PALS2: variants seen among roughly 807,000 people sequenced by gnomAD.
The protein encoded by PALS2 is protein associated with LIN7 2, MAGUK p55 family member.
PALS2 carries 27 observed loss-of-function variants against 61.6 expected under a neutral mutation model. That is an observed-to-expected ratio of 0.44 (90% CI 0.32 to 0.60). PALS2 has a LOEUF of 0.60. Among genes scored for constraint, PALS2 ranks in the 20% least tolerant of loss-of-function variants. PALS2 has a pLI of 0.05. For synonymous variants in PALS2, 236 were observed against 218.6 expected (o/e 1.08, Z -0.70); for missense variants, 554 against 639.4 (o/e 0.87, Z 1.44).
At chr7:24,587,633 TC>T (rs369878167) in intron 1 of PALS2, among the ~76,000 whole-genome samples, 2 of 151,810 alleles carry the variant, frequency 1.3e-5, no homozygotes, top group African/African-American at 4.8e-5. Context: ...CTTCTTGGCC[TC>T]CCATAGTGCT....
At chr7:24,658,697 C>T (rs1786552436) in intron 5 of PALS2, among the ~76,000 whole-genome samples, 1 of 151,888 alleles carries the variant, frequency 6.6e-6, no homozygotes, top group Non-Finnish European at 1.5e-5. Context: ...GCTGGGACTA[C>T]AGGCACGTGC....
chr7:24,665,031 A>G (rs1298054737), intron 6 of PALS2, among the ~76,000 whole-genome samples: 2 of 152,192 alleles, frequency 1.3e-5, no homozygotes, highest in African/African-American at 2.4e-5. Context: ...TCCAGCCACT[A>G]TTTTAAAATA....
intron 1 of PALS2, among the ~76,000 whole-genome samples, chr7:24,621,615 TGATTA>T (rs1386048886): frequency 6.6e-6 from 1 of 152,020 alleles, no homozygotes; most frequent in Non-Finnish European, 1.5e-5. Context: ...CGAACAGATC[TGATTA>T]GAAGAAACAA....
At chr7:24,662,822 C>G (rs116782468) in intron 5 of PALS2, among the ~76,000 whole-genome samples, 2 of 138,662 alleles carry the variant, frequency 1.4e-5, no homozygotes, top group Admixed American at 7.1e-5. Flanking sequence ...AGCAATTGGT[C>G]TGAACCTTCC....
chr7:24,664,270 T>G (rs1786901774), intron 6 of PALS2, among the ~76,000 whole-genome samples: 1 of 152,216 alleles, frequency 6.6e-6, no homozygotes, highest in Non-Finnish European at 1.5e-5. Flanking sequence ...GAGATGTGTA[T>G]TATCACTGTA....
At chr7:24,672,387 C>G (rs570904864) in intron 9 of PALS2, among the ~76,000 whole-genome samples, 6 of 151,792 alleles carry the variant, frequency 4.0e-5, no homozygotes, top group Non-Finnish European at 7.4e-5. Context: ...ACCATCCTGC[C>G]TGGCTAATTT....
intron 1 of PALS2, among the ~76,000 whole-genome samples, chr7:24,585,691 A>G (rs979593612): frequency 2.6e-5 from 4 of 151,958 alleles, no homozygotes; most frequent in East Asian, 3.9e-4. Flanking sequence ...TGAAGACTGC[A>G]CATTTATTTA....
At chr7:24,667,526 A>G (rs1562653747) in intron 8 of PALS2, among the ~76,000 whole-genome samples, 1 of 152,060 alleles carries the variant, frequency 6.6e-6, no homozygotes, top group Non-Finnish European at 1.5e-5. Context: ...CATGCTTTCT[A>G]TATATACTGG....
intron 1 of PALS2, among the ~76,000 whole-genome samples, chr7:24,574,501 C>T (rs537576117): frequency 1.1e-3 from 161 of 152,076 alleles, no homozygotes; most frequent in African/African-American, 3.8e-3. Context: ...GTTAAACTTC[C>T]ATCAGTTGGG....
rs151004091 is a variant in PALS2, at chr7:24,573,864, T to G, written c.-3+271T>G. On this transcript the variant is annotated intron_variant, in intron 1 of 11. Transcript: ENST00000222644. The surrounding 1 kb of genome is among the most constrained non-coding windows in gnomAD (Gnocchi z 5.3). ...TCCTGCCTCTCTGGCTGCGGGCGGC[T>G]GGGCGGGCCGGAGCTCGGCAACGTG... is the stretch of plus-strand genomic sequence containing the variant. The G allele has an allele frequency of 6.6e-6, 1 of 150,984 alleles. No individual in the cohort carries two copies. The highest frequency in any genetic ancestry group is 2.4e-5 in the African/African-American group (1 of 41,206). 9.4% of individuals were successfully genotyped at this position (150,984 alleles called of 1,614,324 possible).
intron 1 of PALS2, among the ~76,000 whole-genome samples, chr7:24,585,215 T>C (rs1436876353): frequency 6.6e-6 from 1 of 152,042 alleles, no homozygotes; most frequent in Non-Finnish European, 1.5e-5. Flanking sequence ...CATTGGTAGC[T>C]TGATGGGGAT....
At chr7:24,584,694 T>C (rs896040446) in intron 1 of PALS2, among the ~76,000 whole-genome samples, 79 of 152,216 alleles carry the variant, frequency 5.2e-4, no homozygotes, top group African/African-American at 1.9e-3. Flanking sequence ...ATTTTGTCTT[T>C]TGTTGCCATT....
At chr7:24,637,562 A>G (rs1268358848) in intron 2 of PALS2, among the ~76,000 whole-genome samples, 6 of 152,142 alleles carry the variant, frequency 3.9e-5, no homozygotes, top group Non-Finnish European at 8.8e-5. Flanking sequence ...ACTACTACAT[A>G]CATAGCTCTT....
intron 8 of PALS2, among the ~76,000 whole-genome samples, chr7:24,668,172 A>T (rs1172677224): frequency 2.0e-5 from 3 of 152,018 alleles, no homozygotes; most frequent in Non-Finnish European, 4.4e-5. Flanking sequence ...AAAAATTAAA[A>T]ATTAGCTGGG....
At chr7:24,627,616 C>G (rs1784803855) in intron 2 of PALS2, among the ~76,000 whole-genome samples, 6 of 152,158 alleles carry the variant, frequency 3.9e-5, no homozygotes, top group African/African-American at 1.4e-4. Flanking sequence ...AGATAGACCG[C>G]TAGCCAGACT....
intron 1 of PALS2, among the ~76,000 whole-genome samples, chr7:24,621,894 A>T (rs77584790): frequency 0.063 from 9,592 of 152,106 alleles, 353 homozygotes; most frequent in African/African-American, 0.093. Context: ...GTCACTCTCT[A>T]ACATGTACAT....
chr7:24,682,685 G>A (rs1456830632), intron 11 of PALS2, among the ~76,000 whole-genome samples: 1 of 152,166 alleles, frequency 6.6e-6, no homozygotes, highest in Non-Finnish European at 1.5e-5. Flanking sequence ...TTAGTCTGGT[G>A]CCTGTTATTC....
chr7:24,657,335 A>G (rs906896061), intron 5 of PALS2, among the ~76,000 whole-genome samples: 2 of 152,234 alleles, frequency 1.3e-5, no homozygotes, highest in African/African-American at 4.8e-5. Flanking sequence ...CACCAACATT[A>G]TATGAAAGTT....
At chr7:24,579,821 G>C (rs1782770628) in intron 1 of PALS2, among the ~76,000 whole-genome samples, 1 of 152,120 alleles carries the variant, frequency 6.6e-6, no homozygotes, top group African/African-American at 2.4e-5. Context: ...TATTAGAATA[G>C]GCAATAGAGC....
Sources: allele counts gnomAD v4.1 joint callset (sites outside exome capture counted in the v4.1 genomes callset), GRCh38; gene constraint gnomAD v4.1.1; non-coding constraint Gnocchi (gnomAD v3.1); transcripts MANE v1.5; gene names NCBI Gene and HGNC (gene_info 2026-07-23, HGNC 2026-07-21).